Variants in LYZL2 observed in about 807,000 individuals in gnomAD.
LYZL2 encodes the protein lysozyme like 2.
A neutral mutation model predicts 17.1 loss-of-function variants in LYZL2; 13 were observed. That is an observed-to-expected ratio of 0.76 (90% CI 0.49 to 1.21). The LOEUF is 1.21. Among genes scored for constraint, LYZL2 ranks in the 50% most tolerant of loss-of-function variants. LYZL2 has a pLI of 0.00. For synonymous variants in LYZL2, 63 were observed against 74.4 expected (o/e 0.85, Z 0.79); for missense variants, 166 against 189.2 (o/e 0.88, Z 0.72).
intron 3 of LYZL2, among the ~76,000 whole-genome samples, chr10:30,624,988 A>G (rs1485645920): frequency 6.6e-6 from 1 of 152,200 alleles, no homozygotes; most frequent in African/African-American, 2.4e-5. Context: ...AGTGGTCCCT[A>G]GAAGCCTGGA....
At position 30,626,095 on chromosome 10, in the gene LYZL2, A is replaced by G. The variant is rs1838696858; in HGVS notation, c.298+10T>C. 6.2e-7 allele frequency: 1 copy of G among 1,611,602 alleles called. No individual in the cohort carries two copies. The highest frequency in any genetic ancestry group is 8.5e-7 in the Non-Finnish European group (1 of 1,178,522). On this transcript the variant is annotated intron_variant, in intron 3 of 4. Coordinates refer to ENST00000647634, the MANE Select transcript of LYZL2 (RefSeq NM_183058.3). ...CTGAGGATGGCATCACTGGAAAGTC[A>G]GAGCCTCACCTGAGCAGGCGACGTG... is the stretch of plus-strand genomic sequence containing the variant.
chr10:30,627,896 A>G (rs1838741738), intron 1 of LYZL2, among the ~76,000 whole-genome samples: 1 of 152,224 alleles, frequency 6.6e-6, no homozygotes, highest in Non-Finnish European at 1.5e-5. Flanking sequence ...GCGGTGGCTC[A>G]CGCCTGTAAT....
chr10:30,607,357 A>C (rs1050509266), downstream of LYZL2, among the ~76,000 whole-genome samples: 6 of 152,016 alleles, frequency 3.9e-5, no homozygotes, highest in Non-Finnish European at 7.4e-5. Context: ...TTACATCAGC[A>C]AAGGAGGCCC....
the LYZL2 span, among the ~76,000 whole-genome samples, chr10:30,606,262 T>A: frequency 9.2e-5 from 14 of 152,286 alleles, no homozygotes; most frequent in Admixed American, 8.5e-4. Context: ...AAATGTAGTT[T>A]ATCTTGTCGA....
intron 3 of LYZL2, among the ~76,000 whole-genome samples, chr10:30,614,469 A>G (rs1002777910): frequency 9.2e-5 from 14 of 152,202 alleles, no homozygotes; most frequent in African/African-American, 2.9e-4. Context: ...CCTGAAGCCA[A>G]TCCTGAAGCA....
chr10:30,622,446 A>G (rs1348702365), intron 3 of LYZL2, among the ~76,000 whole-genome samples: 1 of 152,094 alleles, frequency 6.6e-6, no homozygotes, highest in African/African-American at 2.4e-5. Flanking sequence ...CTACTCAGGA[A>G]GCTGAGGCAG....
intron 3 of LYZL2, among the ~76,000 whole-genome samples, chr10:30,620,935 A>G (rs1189203668): frequency 6.6e-6 from 1 of 152,144 alleles, no homozygotes; most frequent in Non-Finnish European, 1.5e-5. Flanking sequence ...ACAGGGAGGG[A>G]AAAATACTAA....
chr10:30,623,842 G>A (rs574653016), intron 3 of LYZL2, among the ~76,000 whole-genome samples: 4 of 152,148 alleles, frequency 2.6e-5, no homozygotes, highest in African/African-American at 7.2e-5. Context: ...CCTCCCCCTC[G>A]TCCACGGAAA....
Position 30,611,991 on chromosome 10 carries a change from G to T in LYZL2, c.411C>A (p.Asp137Glu), listed in dbSNP as rs1322212232. The T allele has an allele frequency of 3.1e-6, 5 of 1,614,158 alleles. No homozygotes were observed. Among genetic ancestry groups the T allele is most frequent in the Non-Finnish European group, 4.2e-6 (5 of 1,180,030 alleles). Residue 137 changes from aspartate (D) to glutamate (E), a missense_variant, in exon 5 of 5, where the codon GAC (aspartate) becomes GAA (glutamate). Asp to Glu is a conservative substitution (Grantham distance 45). Coordinates refer to ENST00000647634, the MANE Select transcript of LYZL2 (RefSeq NM_183058.3). ...QGWKKHCEGR[D>E]LSDWKKDCEV... ...CACAGTCTTTTTTCCAGTCGGACAGGTCTCTCCCCTCACAGTGTTTCTTCC... is the reference window on the plus strand; with the variant it reads ...CACAGTCTTTTTTCCAGTCGGACAGTTCTCTCCCCTCACAGTGTTTCTTCC...
chr10:30,627,655 C>T (rs1838735564), intron 1 of LYZL2, among the ~76,000 whole-genome samples: 1 of 152,064 alleles, frequency 6.6e-6, no homozygotes, highest in Non-Finnish European at 1.5e-5. Context: ...TGTTTATTGG[C>T]TGTTCATGTT....
At chr10:30,609,683 A>T (rs1449163546), downstream of LYZL2, among the ~76,000 whole-genome samples, 1 of 152,222 alleles carries the variant, frequency 6.6e-6, no homozygotes, top group East Asian at 1.9e-4. Flanking sequence ...TAATGTGGCC[A>T]TGGGGAGAAA....
At chr10:30,606,351 C>CTTTTT in the LYZL2 span, among the ~76,000 whole-genome samples, 4 of 131,848 alleles carry the variant, frequency 3.0e-5, no homozygotes, top group Non-Finnish European at 4.7e-5. Context: ...ATAATAATTA[C>CTTTTT]TTTTTTTTTT....
chr10:30,624,134 A>G (rs537069755), intron 3 of LYZL2, among the ~76,000 whole-genome samples: 1 of 152,148 alleles, frequency 6.6e-6, no homozygotes, highest in East Asian at 1.9e-4. Context: ...TGGGCTGAGT[A>G]TCTCATCTTT....
At chr10:30,616,432 C>G (rs2132938915) in intron 3 of LYZL2, among the ~76,000 whole-genome samples, 1 of 152,344 alleles carries the variant, frequency 6.6e-6, no homozygotes, top group African/African-American at 2.4e-5. Context: ...CGCCTATAAT[C>G]CCAGCACTTT....
intron 3 of LYZL2, among the ~76,000 whole-genome samples, chr10:30,616,233 G>A (rs549786680): frequency 3.9e-5 from 6 of 152,310 alleles, no homozygotes; most frequent in African/African-American, 9.6e-5. Context: ...TATTCTAAAT[G>A]TGGCTTAATT....
At chr10:30,617,674 C>CAAAAAAAAAAAAAAAAA (rs1165550893) in intron 3 of LYZL2, among the ~76,000 whole-genome samples, 6 of 50,208 alleles carry the variant, frequency 1.2e-4, no homozygotes, top group Non-Finnish European at 1.8e-4. Context: ...GACTCTGTCT[C>CAAAAAAAAAAAAAAAAA]AAAAAAAAAA....
In LYZL2 at chr10:30,625,596, G is replaced by T. The variant is rs142285642; in HGVS notation, c.298+509C>A. 5.5e-3 allele frequency among the ~76,000 whole-genome samples: 840 copies of T among 152,244 alleles called. 6 individuals carry two copies. The highest frequency in any genetic ancestry group is 0.019 in the African/African-American group (805 of 41,546). ...GTTCCAGCCACCCAGAGGAGGGAAG[G>T]TTGCTTGAGTCATGGAGGTCAAGAC... On this transcript the variant is annotated intron_variant, in intron 3 of 4. Transcript: ENST00000647634.
At chr10:30,619,299 C>T (rs1380786102) in intron 3 of LYZL2, among the ~76,000 whole-genome samples, 1 of 152,180 alleles carries the variant, frequency 6.6e-6, no homozygotes, top group Non-Finnish European at 1.5e-5. Context: ...ACTAGAAATA[C>T]CATTTGACGC....
intron 3 of LYZL2, among the ~76,000 whole-genome samples, chr10:30,619,792 C>G (rs1427480759): frequency 1.3e-5 from 2 of 151,164 alleles, no homozygotes; most frequent in Admixed American, 6.6e-5. Context: ...CAAAGTTGCA[C>G]GTTGTGTACA....
Sources: gnomAD v4.1 joint callset for allele counts (sites outside exome capture counted in the v4.1 genomes callset) on GRCh38, gnomAD v4.1.1 for gene constraint, MANE v1.5 for transcripts, NCBI Gene and HGNC (gene_info 2026-07-23, HGNC 2026-07-21) for gene names.